Variants in MAML2 observed in about 807,000 individuals in gnomAD.
MAML2 encodes mastermind like transcriptional coactivator 2.
Under a neutral mutation model 96.1 loss-of-function variants are expected in MAML2, and 22 were observed. The observed-to-expected ratio is 0.23, with a 90% confidence interval of 0.16 to 0.33. The LOEUF (loss-of-function observed/expected upper bound fraction) is 0.33. Among genes scored for constraint, MAML2 ranks in the 10% least tolerant of loss-of-function variants. The pLI is 1.00. For missense variants in MAML2, 1,367 were observed against 1,392.4 expected (o/e 0.98, Z 0.29); for synonymous variants, 561 against 521.3 (o/e 1.08, Z -1.04).
intron 1 of MAML2, among the ~76,000 whole-genome samples, chr11:96,095,317 G>A (rs528817557): frequency 3.9e-5 from 6 of 152,228 alleles, no homozygotes; most frequent in Admixed American, 2.0e-4. Flanking sequence ...TTTGTCATCT[G>A]GCTCATCAAT....
At chr11:95,983,656 C>T (rs1857778932) in intron 4 of MAML2, among the ~76,000 whole-genome samples, 1 of 151,962 alleles carries the variant, frequency 6.6e-6, no homozygotes, top group African/African-American at 2.4e-5. Flanking sequence ...ATCAAAATAT[C>T]CTACTGTACC....
At chr11:96,029,778 G>A (rs1858582164) in intron 2 of MAML2, among the ~76,000 whole-genome samples, 1 of 152,090 alleles carries the variant, frequency 6.6e-6, no homozygotes, top group African/African-American at 2.4e-5. Context: ...GAGGTTTCAG[G>A]AAATGAAAGA....
At chr11:96,005,785 T>C (rs1432602889) in intron 2 of MAML2, among the ~76,000 whole-genome samples, 2 of 152,234 alleles carry the variant, frequency 1.3e-5, no homozygotes, top group African/African-American at 4.8e-5. Flanking sequence ...AAAAGATTCA[T>C]ATTTTTCCCT....
Position 96,092,833 on chromosome 11 carries a change from T to C in MAML2, c.1198A>G (p.Thr400Ala), listed in dbSNP as rs780478914. The change falls in exon 2 of 5, where the codon ACT becomes GCT. Residue 400 changes from threonine (T) to alanine (A), a missense_variant. Thr to Ala is a moderately conservative substitution (Grantham distance 58). Transcript: ENST00000524717. The surrounding 1 kb of genome is among the most constrained non-coding windows in gnomAD (Gnocchi z 4.1). ...GGGACTGAAGGGATTGGAGACGAAG[T>C]GGAGAGGGCAGAGTTGGCCATGGAG... The part of the protein sequence containing the change: ...AFSMANSALS[T>A]SSPIPSVPQS... 1 of 1,608,540 alleles carries C rather than the reference T, an allele frequency of 6.2e-7. No individual in the cohort carries two copies. The highest frequency in any genetic ancestry group is 8.5e-7 in the Non-Finnish European group (1 of 1,176,662).
At chr11:95,996,712 C>A (rs10501835) in intron 2 of MAML2, among the ~76,000 whole-genome samples, 24,610 of 152,042 alleles carry the variant, frequency 0.16, 2,253 homozygotes, top group East Asian at 0.35. Flanking sequence ...AAAACACCTC[C>A]TTATACAAGC....
chr11:96,283,614 T>C (rs1009106788), intron 1 of MAML2, among the ~76,000 whole-genome samples: 1 of 152,194 alleles, frequency 6.6e-6, no homozygotes, highest in African/African-American at 2.4e-5. Flanking sequence ...GGCCTACAAT[T>C]TAAAGAGAAG....
chr11:96,091,802 G>T, intron 2 of MAML2, 90 bp downstream of exon 2: 3 of 1,492,014 alleles, frequency 2.0e-6, no homozygotes, highest in East Asian at 2.3e-5. Flanking sequence ...TCTTGATCTT[G>T]TCCCAATACA....
At chr11:96,086,728 C>T (rs1859621835) in intron 2 of MAML2, among the ~76,000 whole-genome samples, 1 of 152,060 alleles carries the variant, frequency 6.6e-6, no homozygotes, top group South Asian at 2.1e-4. Context: ...TGTTTTTAAA[C>T]AAGTGAATAG....
At chr11:96,131,742 G>A (rs1256365299) in intron 1 of MAML2, among the ~76,000 whole-genome samples, 1 of 152,202 alleles carries the variant, frequency 6.6e-6, no homozygotes, top group Non-Finnish European at 1.5e-5. Context: ...GGGTGTGGTG[G>A]CTCATGCCTG....
At chr11:96,109,584 T>C (rs568455585) in intron 1 of MAML2, among the ~76,000 whole-genome samples, 1 of 152,228 alleles carries the variant, frequency 6.6e-6, no homozygotes, top group South Asian at 2.1e-4. Context: ...TAATTCCATG[T>C]GGGAAGTGTA....
chr11:96,106,651 C>T (rs900617539), intron 1 of MAML2, among the ~76,000 whole-genome samples: 3 of 152,294 alleles, frequency 2.0e-5, no homozygotes, highest in Non-Finnish European at 4.4e-5. Flanking sequence ...ACAGCCTTAA[C>T]TCAGTGAGTC....
chr11:96,124,668 T>C lies in MAML2; in HGVS notation c.514-31151A>G, dbSNP rs1287774237. 3.3e-5 allele frequency among the ~76,000 whole-genome samples: 5 copies of C among 152,144 alleles called. No individual in the cohort carries two copies. In the East Asian group the frequency reaches 9.6e-4, roughly 29 times the overall value. On this transcript the variant is annotated intron_variant, in intron 1 of 4. Transcript: ENST00000524717. ...TCACTACCATCATTATGATTTTGTCTATTTAAACACACGCGTGTGTGTGCG... is the reference window on the plus strand; with the variant it reads ...TCACTACCATCATTATGATTTTGTCCATTTAAACACACGCGTGTGTGTGCG...
intron 1 of MAML2, among the ~76,000 whole-genome samples, chr11:96,127,602 C>G (rs1860469826): frequency 6.6e-6 from 1 of 152,082 alleles, no homozygotes. Context: ...TTTTAGTGAC[C>G]AGCCATTTCT....
At chr11:96,322,667 G>C (rs118078025) in intron 1 of MAML2, among the ~76,000 whole-genome samples, 1 of 152,186 alleles carries the variant, frequency 6.6e-6, no homozygotes, top group Non-Finnish European at 1.5e-5. Context: ...ACTCCACCCT[G>C]GGGGCCACGG....
At chr11:96,113,643 C>T (rs946835773) in intron 1 of MAML2, among the ~76,000 whole-genome samples, 6 of 148,792 alleles carry the variant, frequency 4.0e-5, no homozygotes, top group Non-Finnish European at 5.9e-5. Flanking sequence ...GAGAAAGGAA[C>T]GTGTTTTTCT....
chr11:96,155,528 A>ATATATATATATATATATATATATATATC (rs1860997713), intron 1 of MAML2, among the ~76,000 whole-genome samples: 2 of 66,914 alleles, frequency 3.0e-5, no homozygotes, highest in African/African-American at 4.2e-5. Flanking sequence ...ATATATATAT[A>ATATATATATATATATATATATATATATC]TATATATATA....
intron 1 of MAML2, among the ~76,000 whole-genome samples, chr11:96,340,846 G>T (rs553898086): frequency 1.3e-5 from 2 of 152,300 alleles, no homozygotes; most frequent in East Asian, 1.9e-4. Context: ...TGACTGAGGG[G>T]ACATTCGGGG....
chr11:96,285,632 C>A (rs931403034), intron 1 of MAML2, among the ~76,000 whole-genome samples: 2 of 151,918 alleles, frequency 1.3e-5, no homozygotes, highest in African/African-American at 4.8e-5. Context: ...AAGAAAAAAA[C>A]CCCAAACAAC....
intron 1 of MAML2, among the ~76,000 whole-genome samples, chr11:96,143,713 TG>T (rs1860770035): frequency 1.3e-5 from 2 of 152,178 alleles, no homozygotes; most frequent in Admixed American, 1.3e-4. Context: ...ACTCCAAGAA[TG>T]ATAATAGACA....
Sources: allele counts gnomAD v4.1 joint callset (sites outside exome capture counted in the v4.1 genomes callset), GRCh38; gene constraint gnomAD v4.1.1; non-coding constraint Gnocchi (gnomAD v3.1); transcripts MANE v1.5; gene names NCBI Gene and HGNC (gene_info 2026-07-23, HGNC 2026-07-21).